The following GMDS variants were observed in gnomAD, a reference collection of about 807,000 sequenced individuals.
GMDS encodes the protein GDP-mannose 4,6-dehydratase.
Under a neutral mutation model 49.9 loss-of-function variants are expected in GMDS, and 20 were observed. The ratio of observed to expected loss-of-function variants is 0.40; its 90% CI spans 0.28 to 0.58. The LOEUF is 0.58. Among genes scored for constraint, GMDS ranks in the 20% least tolerant of loss-of-function variants. The pLI is 0.42. For synonymous variants in GMDS, 177 were observed against 178.6 expected (o/e 0.99, Z 0.07); for missense variants, 362 against 481.4 (o/e 0.75, Z 2.32).
intron 9 of GMDS, among the ~76,000 whole-genome samples, chr6:1,693,087 G>C (rs1765229890): frequency 1.3e-5 from 2 of 152,168 alleles, no homozygotes; most frequent in African/African-American, 4.8e-5. Context: ...GGCAGGTCTG[G>C]AGCAGCCAGT....
At chr6:1,783,851 G>C (rs551898524) in intron 7 of GMDS, among the ~76,000 whole-genome samples, 1 of 152,226 alleles carries the variant, frequency 6.6e-6, no homozygotes, top group African/African-American at 2.4e-5. Flanking sequence ...TTTGTACTTA[G>C]TGACAGAAAC....
At chr6:2,114,670 C>T (rs989903051) in intron 4 of GMDS, among the ~76,000 whole-genome samples, 10 of 152,140 alleles carry the variant, frequency 6.6e-5, no homozygotes, top group Non-Finnish European at 1.2e-4. Flanking sequence ...CATCATTCAT[C>T]GATATGTAGC....
chr6:2,082,060 T>A (rs1355436522), intron 4 of GMDS, among the ~76,000 whole-genome samples: 1 of 152,198 alleles, frequency 6.6e-6, no homozygotes, highest in Non-Finnish European at 1.5e-5. Context: ...GGAACACTAT[T>A]TCTACGTTCA....
At chr6:1,830,117 G>T (rs1771291480) in intron 7 of GMDS, among the ~76,000 whole-genome samples, 2 of 152,118 alleles carry the variant, frequency 1.3e-5, no homozygotes, top group Admixed American at 6.5e-5. Context: ...TAATAATTTA[G>T]TTCCTCAGTT....
At position 1,766,425 on chromosome 6, in the gene GMDS, C is replaced by T. The variant is rs1186478845; in HGVS notation, c.772-23839G>A. Among the ~76,000 whole-genome samples, 2 of 152,074 alleles carry T rather than the reference C, an allele frequency of 1.3e-5. No homozygotes were observed. Among genetic ancestry groups the T allele is most frequent in the African/African-American group, 2.4e-5 (1 of 41,396 alleles). Reference sequence around the variant, plus strand: ...GGCCAGGTCTCTTTGTAGGCCACCACGGAGAGAGAAAAGCATCTTGAGAAT... The same window carrying T: ...GGCCAGGTCTCTTTGTAGGCCACCATGGAGAGAGAAAAGCATCTTGAGAAT... On this transcript the variant is annotated intron_variant, in intron 7 of 10. Transcript: ENST00000380815. The surrounding 1 kb of genome is among the most constrained non-coding windows in gnomAD (Gnocchi z 4.5).
chr6:1,739,041 C>T (rs557543032), intron 8 of GMDS, among the ~76,000 whole-genome samples: 1 of 152,310 alleles, frequency 6.6e-6, no homozygotes, highest in East Asian at 1.9e-4. Flanking sequence ...TACAGAGCAC[C>T]GTCAGCTGTT....
At chr6:1,712,727 A>T (rs2113397473) in intron 9 of GMDS, among the ~76,000 whole-genome samples, 1 of 152,330 alleles carries the variant, frequency 6.6e-6, no homozygotes, top group African/African-American at 2.4e-5. Context: ...TGAAAAAGTT[A>T]TAAAGATGGA....
chr6:1,742,341 C>T (rs1767307095), intron 8 of GMDS, 127 bp downstream of exon 8: 3 of 636,218 alleles, frequency 4.7e-6, no homozygotes, highest in South Asian at 3.7e-5. Flanking sequence ...CCACTCTACA[C>T]TGAAACTTTC....
intron 9 of GMDS, among the ~76,000 whole-genome samples, chr6:1,659,824 T>C (rs1364733244): frequency 6.6e-6 from 1 of 151,818 alleles, no homozygotes; most frequent in African/African-American, 2.4e-5. Context: ...CAGAAACTTC[T>C]AGTAAAAAGA....
chr6:2,162,259 A>G (rs957734195), intron 1 of GMDS, among the ~76,000 whole-genome samples: 8 of 152,122 alleles, frequency 5.3e-5, no homozygotes, highest in Non-Finnish European at 1.2e-4. Flanking sequence ...CCCAAGCTAC[A>G]TGACCTGGGA....
chr6:1,640,691 G>A lies in GMDS; in HGVS notation c.988-16151C>T, dbSNP rs530580377. Among the ~76,000 whole-genome samples, 3 of 152,328 alleles carry A rather than the reference G, an allele frequency of 2.0e-5. 1 individual carries two copies. Among genetic ancestry groups the A allele is most frequent in the African/African-American group, 7.2e-5 (3 of 41,560 alleles). Reference sequence around the variant, plus strand: ...CCCACAGCGCAGGCCCAGGGCTGCCGACACAGCAGCCAACCAGACACACGG... The same window carrying A: ...CCCACAGCGCAGGCCCAGGGCTGCCAACACAGCAGCCAACCAGACACACGG... On this transcript the variant is annotated intron_variant, in intron 9 of 10. Coordinates refer to ENST00000380815, the MANE Select transcript of GMDS (RefSeq NM_001500.4). The surrounding 1 kb of genome is among the most constrained non-coding windows in gnomAD (Gnocchi z 4.0).
At chr6:1,744,574 GAACACTGTTA>G (rs147261157) in intron 7 of GMDS, among the ~76,000 whole-genome samples, 18 of 51,276 alleles carry the variant, frequency 3.5e-4, no homozygotes, top group Non-Finnish European at 5.7e-4. Context: ...GTAGCTCCCT[GAACACTGTTA>G]AACACTGGGG....
At chr6:1,959,753 T>C in intron 6 of GMDS, 114 bp downstream of exon 6, 1 of 462,766 alleles carries the variant, frequency 2.2e-6, no homozygotes, top group African/African-American at 2.0e-5. Context: ...TTCATCATAA[T>C]TAGATACAGA....
intron 8 of GMDS, among the ~76,000 whole-genome samples, chr6:1,729,191 T>C (rs1444528061): frequency 6.6e-6 from 1 of 152,192 alleles, no homozygotes; most frequent in African/African-American, 2.4e-5. Flanking sequence ...AGACTCACAT[T>C]TGGGATTTGT....
chr6:2,058,384 GA>G (rs1452719305), intron 4 of GMDS, among the ~76,000 whole-genome samples: 1 of 150,288 alleles, frequency 6.7e-6, no homozygotes, highest in African/African-American at 2.4e-5. Flanking sequence ...GCATTAGAAG[GA>G]GGAAAAATGT....
At chr6:1,633,071 A>C (rs2113157487) in intron 9 of GMDS, among the ~76,000 whole-genome samples, 1 of 152,370 alleles carries the variant, frequency 6.6e-6, no homozygotes, top group South Asian at 2.1e-4. Context: ...TTTAACAGCT[A>C]GAACCATTTC....
intron 7 of GMDS, among the ~76,000 whole-genome samples, chr6:1,841,929 C>T (rs1757169119): frequency 6.6e-6 from 1 of 152,198 alleles, no homozygotes; most frequent in Non-Finnish European, 1.5e-5. Context: ...GTTTTTCCCA[C>T]CATTGTCTTA....
At chr6:1,893,429 T>C (rs1581317141) in intron 7 of GMDS, among the ~76,000 whole-genome samples, 1 of 152,180 alleles carries the variant, frequency 6.6e-6, no homozygotes, top group East Asian at 1.9e-4. Flanking sequence ...TGACATTAGG[T>C]GATCCGCCTG....
chr6:2,007,047 T>C (rs1767231159), intron 4 of GMDS, among the ~76,000 whole-genome samples: 2 of 152,230 alleles, frequency 1.3e-5, no homozygotes, highest in African/African-American at 4.8e-5. Flanking sequence ...TACAGTACTC[T>C]TATAAACACA....
Sources: allele counts gnomAD v4.1 joint callset (sites outside exome capture counted in the v4.1 genomes callset), GRCh38; gene constraint gnomAD v4.1.1; non-coding constraint Gnocchi (gnomAD v3.1); transcripts MANE v1.5; gene names NCBI Gene and HGNC (gene_info 2026-07-23, HGNC 2026-07-21).